FRMPD2: variants seen among roughly 807,000 people sequenced by gnomAD.
FRMPD2 encodes the protein FERM and PDZ domain containing 2.
FRMPD2 carries 96 observed loss-of-function variants against 140.1 expected under a neutral mutation model. The ratio of observed to expected loss-of-function variants is 0.69; its 90% CI spans 0.58 to 0.81. FRMPD2 has a LOEUF of 0.81. FRMPD2 is among the 40% of genes least tolerant of loss of function. FRMPD2 has a pLI of 0.00. For synonymous variants in FRMPD2, 449 were observed against 547.6 expected (o/e 0.82, Z 2.52); for missense variants, 1,240 against 1,447.4 (o/e 0.86, Z 2.32).
intron 15 of FRMPD2, 82 bp from the exon 16 acceptor site, chr10:48,192,976 A>G: frequency 1.9e-6 from 2 of 1,032,276 alleles, no homozygotes; most frequent in South Asian, 2.6e-5. Context: ...GTAACATATC[A>G]CTGGGCCCCC....
In FRMPD2 at chr10:48,242,342, A is replaced by T. The variant is rs1200045185; in HGVS notation, c.386T>A (p.Leu129His). Residue 129 changes from leucine (L) to histidine (H), a missense_variant, in exon 5 of 29, where the codon CTC (leucine) becomes CAC (histidine). This residue lies in a region of FRMPD2 where 1,161 missense variants were observed against 1,055.9 expected (regional missense o/e 1.10). Transcript: ENST00000374201. ...CAGGATGGAGTGCAGGGGCTCGCAG[A>T]GCTGCAGGGGCTGGAGGCAGACAGG... ...FHVPPHQPLQ[L>H]CEPLHSILLT... 1.9e-6 allele frequency: 3 copies of T among 1,612,884 alleles called. No homozygotes were observed. Among genetic ancestry groups the T allele is most frequent in the East Asian group, 4.5e-5 (2 of 44,856 alleles).
intron 1 of FRMPD2, among the ~76,000 whole-genome samples, chr10:48,273,643 C>G (rs568552880): frequency 6.6e-6 from 1 of 152,282 alleles, no homozygotes; most frequent in South Asian, 2.1e-4. Flanking sequence ...CACTTGCTAT[C>G]ACCGCCAGTT....
intron 14 of FRMPD2, among the ~76,000 whole-genome samples, chr10:48,203,211 A>C (rs982724587): frequency 3.9e-5 from 6 of 152,228 alleles, no homozygotes; most frequent in African/African-American, 1.4e-4. Flanking sequence ...TTTAGCTTAT[A>C]AACTCTCAGC....
chr10:48,211,523 C>T (rs1298969119), intron 13 of FRMPD2, among the ~76,000 whole-genome samples: 1 of 152,124 alleles, frequency 6.6e-6, no homozygotes, highest in East Asian at 1.9e-4. Context: ...TGGCTCCCAC[C>T]TGTAGTCCCA....
intron 3 of FRMPD2, among the ~76,000 whole-genome samples, chr10:48,245,832 G>A (rs1840235102): frequency 2.0e-5 from 3 of 152,150 alleles, no homozygotes; most frequent in Admixed American, 2.0e-4. Flanking sequence ...CTCAGGAAAT[G>A]ATTTTTGGGA....
At chr10:48,164,249 C>T (rs2132392363) in intron 27 of FRMPD2, among the ~76,000 whole-genome samples, 1 of 151,302 alleles carries the variant, frequency 6.6e-6, no homozygotes, top group East Asian at 1.9e-4. Context: ...TTATCTACAG[C>T]AGAACCTGCT....
intron 13 of FRMPD2, among the ~76,000 whole-genome samples, chr10:48,210,313 A>T (rs889970613): frequency 2.0e-5 from 3 of 152,228 alleles, no homozygotes; most frequent in Non-Finnish European, 2.9e-5. Context: ...ACCGATAAAG[A>T]TTACATGTAA....
chr10:48,257,763 T>C (rs1341772767), intron 1 of FRMPD2, among the ~76,000 whole-genome samples: 1 of 152,094 alleles, frequency 6.6e-6, no homozygotes, highest in Non-Finnish European at 1.5e-5. Context: ...ATCTGGTAAA[T>C]AGGGCTAACA....
Position 48,274,632 on chromosome 10 carries a change from GT to G in FRMPD2, c.-66del. The G allele has an allele frequency of 6.6e-7, 1 of 1,520,080 alleles. No individual in the cohort carries two copies. Among genetic ancestry groups the G allele is most frequent in the Non-Finnish European group, 9.1e-7 (1 of 1,097,124 alleles). The allele number at this position is 1,520,080 out of a possible 1,614,324, so 94.2% of individuals were successfully genotyped here. A position where few individuals can be genotyped will look rare whatever the true frequency, so the allele number is the denominator to read the frequency against. On this transcript the variant is annotated 5_prime_UTR_variant, in exon 1 of 29. Coordinates refer to ENST00000374201, the MANE Select transcript of FRMPD2 (RefSeq NM_001018071.4). ...GACAACTTTCCAACAAGGAGCAGGG[GT>G]CTCTTGCAAGTCTGTCCGCGGAGCT...
intron 12 of FRMPD2, among the ~76,000 whole-genome samples, chr10:48,221,590 T>G (rs956181504): frequency 6.6e-6 from 1 of 152,174 alleles, no homozygotes; most frequent in Non-Finnish European, 1.5e-5. Context: ...TGAAATAAAA[T>G]GAATAAATTA....
chr10:48,236,198 G>A (rs868039691), intron 9 of FRMPD2, among the ~76,000 whole-genome samples: 5 of 152,092 alleles, frequency 3.3e-5, no homozygotes, highest in African/African-American at 1.2e-4. Context: ...CATAGATGGG[G>A]GCCTAGAATA....
intron 10 of FRMPD2, among the ~76,000 whole-genome samples, chr10:48,225,620 C>T (rs1322757020): frequency 1.3e-5 from 2 of 152,224 alleles, no homozygotes; most frequent in Non-Finnish European, 1.5e-5. Flanking sequence ...ATGCATATCC[C>T]GGATTGCAAT....
In FRMPD2 at chr10:48,245,238, G is replaced by A. The variant is rs145807643; in HGVS notation, c.310-389C>T. 2.6e-5 allele frequency among the ~76,000 whole-genome samples: 4 copies of A among 152,314 alleles called. No homozygotes were observed. The East Asian group carries it at 7.7e-4, about 29-fold the overall frequency. On this transcript the variant is annotated intron_variant, in intron 3 of 28. Coordinates refer to ENST00000374201, the MANE Select transcript of FRMPD2 (RefSeq NM_001018071.4). ...CGTGACAATGAGGCAGCAAGCATAGGACAGAAAGCCAGCCACTGGGGAAGG... is the reference window on the plus strand; with the variant it reads ...CGTGACAATGAGGCAGCAAGCATAGAACAGAAAGCCAGCCACTGGGGAAGG...
Position 48,274,696 on chromosome 10 carries a change from T to C in FRMPD2, c.-129A>G. 1.2e-6 allele frequency: 1 copy of C among 816,860 alleles called. No homozygotes were observed. Among genetic ancestry groups the C allele is most frequent in the Non-Finnish European group, 2.1e-6 (1 of 486,342 alleles). The allele number at this position is 816,860 out of a possible 1,614,324, so 50.6% of individuals were successfully genotyped here. A position where few individuals can be genotyped will look rare whatever the true frequency, so the allele number is the denominator to read the frequency against. ...CACTGTTGCCGCTGTCTTTGTTTACTGCTTGTCACTAAGCACTTGCTGCCC... is the reference window on the plus strand; with the variant it reads ...CACTGTTGCCGCTGTCTTTGTTTACCGCTTGTCACTAAGCACTTGCTGCCC... On this transcript the variant is annotated 5_prime_UTR_variant, in exon 1 of 29. Transcript: ENST00000374201.
chr10:48,159,356 G>C, intron 28 of FRMPD2: 1 of 425,946 alleles, frequency 2.3e-6, no homozygotes, highest in Non-Finnish European at 4.7e-6. Flanking sequence ...ATACCCCTGG[G>C]TATCTGGGGA....
chr10:48,259,931 T>A (rs373114787), intron 1 of FRMPD2, among the ~76,000 whole-genome samples: 1 of 152,026 alleles, frequency 6.6e-6, no homozygotes, highest in East Asian at 1.9e-4. Flanking sequence ...AATTGAAGTC[T>A]CAGATACCTA....
In FRMPD2 at chr10:48,238,914, A is replaced by T. The variant is rs150001395; in HGVS notation, c.788+691T>A. On this transcript the variant is annotated intron_variant, in intron 7 of 28. Coordinates refer to ENST00000374201, the MANE Select transcript of FRMPD2 (RefSeq NM_001018071.4). ...GCTGGCCTTTAGGCCTGATATGGCC[A>T]ACAGAATGAAGTGGAAATGATGGAA... Among the ~76,000 whole-genome samples, 756 of 152,318 alleles carry T rather than the reference A, an allele frequency of 5.0e-3. 4 individuals are homozygous for T. Among genetic ancestry groups the T allele is most frequent in the Non-Finnish European group, 7.3e-3 (496 of 68,026 alleles).
rs1554794425 is a variant in FRMPD2, at chr10:48,200,197, T to TAAATAAAA, written c.1954+1030_1954+1031insTTTTATTT. 1.4e-3 allele frequency among the ~76,000 whole-genome samples: 202 copies of TAAATAAAA among 139,718 alleles called. 2 individuals are homozygous for TAAATAAAA. The highest frequency in any genetic ancestry group is 1.9e-3 in the Non-Finnish European group (121 of 64,474). The allele number at this position is 139,718 out of a possible 152,430, so 91.7% of individuals were successfully genotyped here. A position where few individuals can be genotyped will look rare whatever the true frequency, so the allele number is the denominator to read the frequency against. ...ATAAATAAATAAATAAATAAATAAA[T>TAAATAAAA]AAAACAGAGCCAAGCAACCATTTGC... On this transcript the variant is annotated intron_variant, in intron 15 of 28. Transcript: ENST00000374201.
intron 12 of FRMPD2, among the ~76,000 whole-genome samples, chr10:48,220,063 C>T (rs575556057): frequency 3.3e-5 from 5 of 152,240 alleles, no homozygotes; most frequent in African/African-American, 7.2e-5. Flanking sequence ...TAACATAAAT[C>T]GACAATGTCT....
Sources: allele counts gnomAD v4.1 joint callset (sites outside exome capture counted in the v4.1 genomes callset), GRCh38; gene constraint gnomAD v4.1.1; regional missense constraint gnomAD v4.1.1; transcripts MANE v1.5; gene names NCBI Gene and HGNC (gene_info 2026-07-23, HGNC 2026-07-21).